The following PPP2R1A variants were observed in gnomAD, a reference collection of about 807,000 sequenced individuals.
The protein encoded by PPP2R1A is protein phosphatase 2 scaffold subunit Aalpha.
PPP2R1A carries 15 observed loss-of-function variants against 67.1 expected under a neutral mutation model. The ratio of observed to expected loss-of-function variants is 0.22; its 90% CI spans 0.15 to 0.34. PPP2R1A has a LOEUF of 0.34. Ranked by LOEUF, PPP2R1A falls within the 10% of genes least tolerant of loss-of-function variation. The pLI, the probability that PPP2R1A is intolerant of heterozygous loss-of-function variation, is 1.00. For missense variants in PPP2R1A, 369 were observed against 775.0 expected (o/e 0.48, Z 6.22); for synonymous variants, 337 against 325.0 (o/e 1.04, Z -0.40).
At chr19:52,222,302 G>C in intron 13 of PPP2R1A, 61 bp downstream of exon 13, 1 of 1,560,520 alleles carries the variant, frequency 6.4e-7, no homozygotes, top group Non-Finnish European at 8.7e-7. Context: ...CTTAATCTTT[G>C]ACCTTTGAAG....
intron 3 of PPP2R1A, among the ~76,000 whole-genome samples, chr19:52,210,498 T>C (rs1221780525): frequency 6.7e-6 from 1 of 149,550 alleles, no homozygotes; most frequent in East Asian, 1.9e-4. Flanking sequence ...TTTTTTTTTT[T>C]TTTTTTCTTT....
At chr19:52,196,186 G>A (rs2089494899) in intron 1 of PPP2R1A, among the ~76,000 whole-genome samples, 1 of 132,472 alleles carries the variant, frequency 7.5e-6, no homozygotes, top group Non-Finnish European at 1.7e-5. Context: ...GAGATAGTCA[G>A]TGCACAGGGA....
rs1397832750 is a variant in PPP2R1A, at chr19:52,212,911, G to A, written c.652-44G>A. 4.5e-6 allele frequency: 7 copies of A among 1,568,156 alleles called. 1 individual carries two copies. In the South Asian group the frequency reaches 4.8e-5, roughly 11 times the overall value. ...CCATGAAAGAGAATCCCAGAGCTCA[G>A]CAAGGCCTCTGCTGCCCTCCCACTG... is the stretch of plus-strand genomic sequence containing the variant. On this transcript the variant is annotated intron_variant, in intron 5 of 14. Transcript: ENST00000322088. This position sits in a 1 kb window ranked among gnomAD's most constrained non-coding sequence, Gnocchi z 4.1.
rs2089678009 is a variant in PPP2R1A, at chr19:52,212,382, G to A, written c.504-304G>A. The A allele has an allele frequency of 8.0e-6, 3 of 376,546 alleles. No individual in the cohort carries two copies. Among genetic ancestry groups the A allele is most frequent in the Admixed American group, 9.1e-5 (2 of 22,058 alleles). 23.3% of individuals were successfully genotyped at this position (376,546 alleles called of 1,614,324 possible). A position where few individuals can be genotyped will look rare whatever the true frequency, so the allele number is the denominator to read the frequency against. On this transcript the variant is annotated intron_variant, in intron 4 of 14. Transcript: ENST00000322088. This position sits in a 1 kb window ranked among gnomAD's most constrained non-coding sequence, Gnocchi z 4.1. ...TTACAGGTATGAGCCACTGTGCCTG[G>A]CTCGTTGGTTAAGCAATTTTTATGG...
At chr19:52,190,243 A>T in intron 1 of PPP2R1A, 69 bp downstream of exon 1, 9 of 1,505,412 alleles carry the variant, frequency 6.0e-6, no homozygotes, top group Non-Finnish European at 8.1e-6. Flanking sequence ...GCCCTCGCGG[A>T]GAAGACTCAG....
chr19:52,202,883 C>T lies in PPP2R1A; in HGVS notation c.169+849C>T, dbSNP rs577874526. Among the ~76,000 whole-genome samples, 9 of 152,306 alleles carry T rather than the reference C, an allele frequency of 5.9e-5. No individual in the cohort carries two copies. The South Asian group carries it at 1.2e-3, about 21-fold the overall frequency. On this transcript the variant is annotated intron_variant, in intron 2 of 14. Coordinates refer to ENST00000322088, the MANE Select transcript of PPP2R1A (RefSeq NM_014225.6). ...GCTTATAACACTGTATAGTACGTGC[C>T]GCCTAAGCGATAGCTGCCAGGCTGT...
At chr19:52,223,579 A>C (rs1979073619) in intron 13 of PPP2R1A, among the ~76,000 whole-genome samples, 1 of 152,228 alleles carries the variant, frequency 6.6e-6, no homozygotes, top group African/African-American at 2.4e-5. Flanking sequence ...TTGAAAAAGG[A>C]TCTCCAAATA....
At position 52,222,239 on chromosome 19, in the gene PPP2R1A, CAGG is replaced by C; in HGVS notation, c.1660_1661+1del. On this transcript the variant is annotated splice_donor_variant and coding_sequence_variant, in exon 13 of 15. Coordinates refer to ENST00000322088, the MANE Select transcript of PPP2R1A (RefSeq NM_014225.6). LOFTEE classifies it high-confidence loss of function. The stretch of plus-strand genomic sequence containing the variant: ...AGAAGATAGGGCCCATCCTGGACAA[CAGG>C]TGAGGTCTGGATACTCCCCCACACA... 6.2e-7 allele frequency: 1 copy of C among 1,613,840 alleles called. No homozygotes were observed. The highest frequency in any genetic ancestry group is 8.5e-7 in the Non-Finnish European group (1 of 1,179,852).
chr19:52,219,913 C>A lies in PPP2R1A; in HGVS notation c.1302+49C>A. ...AGGCAGTGCTGCCTCAGGGGAGGTG[C>A]AGTATGTCCAGGGCTGTGATGGGGA... On this transcript the variant is annotated intron_variant, in intron 10 of 14. Coordinates refer to ENST00000322088, the MANE Select transcript of PPP2R1A (RefSeq NM_014225.6). This position sits in a 1 kb window ranked among gnomAD's most constrained non-coding sequence, Gnocchi z 4.0. The A allele has an allele frequency of 6.4e-7, 1 of 1,568,286 alleles. No individual in the cohort carries two copies. The highest frequency in any genetic ancestry group is 8.6e-7 in the Non-Finnish European group (1 of 1,157,820).
At position 52,211,731 on chromosome 19, in the gene PPP2R1A, C is replaced by T; in HGVS notation, c.503+239C>T. ...AGGAATTGAGATGATGACAGGTCCT[C>T]CTTCCCACTGGTTAATGTGAGGATT... On this transcript the variant is annotated intron_variant, in intron 4 of 14. Transcript: ENST00000322088. This position sits in a 1 kb window ranked among gnomAD's most constrained non-coding sequence, Gnocchi z 5.3. The T allele has an allele frequency of 1.8e-6, 1 of 562,382 alleles. No homozygotes were observed. The highest frequency in any genetic ancestry group is 3.1e-6 in the Non-Finnish European group (1 of 318,050). 34.8% of individuals were successfully genotyped at this position (562,382 alleles called of 1,614,324 possible). A position where few individuals can be genotyped will look rare whatever the true frequency, so the allele number is the denominator to read the frequency against.
chr19:52,213,041 C>T lies in PPP2R1A; in HGVS notation c.738C>T (p.Pro246=). The change falls in exon 6 of 15, where the codon CCC becomes CCT. Residue 246 remains proline, a synonymous_variant. Transcript: ENST00000322088. The surrounding 1 kb of genome is among the most constrained non-coding windows in gnomAD (Gnocchi z 4.2). Reference sequence around the variant, plus strand: ...AGGATCTGGAGGCCCTGGTGATGCCCACTCTGCGCCAGGCCGCTGAAGACA... The same window carrying T: ...AGGATCTGGAGGCCCTGGTGATGCCTACTCTGCGCCAGGCCGCTGAAGACA... ...PQEDLEALVM[P]TLRQAAEDKS... is the part of the protein sequence containing the mutation. The T allele has an allele frequency of 6.2e-7, 1 of 1,611,356 alleles. No homozygotes were observed. The highest frequency in any genetic ancestry group is 8.5e-7 in the Non-Finnish European group (1 of 1,179,428).
chr19:52,218,201 A>G (rs116164362), intron 9 of PPP2R1A, among the ~76,000 whole-genome samples: 1,827 of 152,282 alleles, frequency 0.012, 35 homozygotes, highest in African/African-American at 0.042. Context: ...GAGGCTTCCC[A>G]AAAGCCTCAG....
At chr19:52,222,351 T>A (rs1406885243) in intron 13 of PPP2R1A, 110 bp downstream of exon 13, 1 of 1,434,460 alleles carries the variant, frequency 7.0e-7, no homozygotes, top group Admixed American at 2.8e-5. Context: ...CGCTCCTTGC[T>A]TGCTGTGTGA....
chr19:52,210,097 T>A (rs2089650006), intron 3 of PPP2R1A, among the ~76,000 whole-genome samples: 1 of 152,172 alleles, frequency 6.6e-6, no homozygotes, highest in Non-Finnish European at 1.5e-5. Flanking sequence ...TTTATGATTT[T>A]TTTTTTCCTG....
rs1010841552 is a variant in PPP2R1A at position 52,207,665 on chromosome 19, G to C, written c.270+1602G>C. On this transcript the variant is annotated intron_variant, in intron 3 of 14. Transcript: ENST00000322088. ...AATAGCTTGTGCTTGCTCGTTGCCT[G>C]CAGTGCACATCCCAAGAGCCTTACA... 1.3e-5 allele frequency among the ~76,000 whole-genome samples: 2 copies of C among 152,216 alleles called. 1 individual carries two copies. Among genetic ancestry groups the C allele is most frequent in the Non-Finnish European group, 2.9e-5 (2 of 68,048 alleles).
intron 12 of PPP2R1A, 150 bp downstream of exon 12, chr19:52,221,283 C>A: frequency 1.6e-6 from 2 of 1,220,550 alleles, no homozygotes; most frequent in Non-Finnish European, 2.3e-6. Context: ...CCTTGGGGAA[C>A]TGCAGGCAAG....
rs117174133 is a variant in PPP2R1A, at chr19:52,218,690, A to G, written c.1129-1001A>G. Among the ~76,000 whole-genome samples the G allele has an allele frequency of 5.0e-3, 762 of 152,288 alleles. 1 individual carries two copies. Among genetic ancestry groups the G allele is most frequent in the Non-Finnish European group, 8.9e-3 (604 of 68,028 alleles). ...GTGAGAGCCCCTCAAGTTGTCTGCTATGTCATTTCACACCTCTCCAGCGTT... is the reference window on the plus strand; with the variant it reads ...GTGAGAGCCCCTCAAGTTGTCTGCTGTGTCATTTCACACCTCTCCAGCGTT... On this transcript the variant is annotated intron_variant, in intron 9 of 14. Coordinates refer to ENST00000322088, the MANE Select transcript of PPP2R1A (RefSeq NM_014225.6).
chr19:52,212,535 T>C lies in PPP2R1A; in HGVS notation c.504-151T>C. ...TGGGGTAGGTACTGTTACTATCAGC[T>C]CCGTTTCATAGGGCTGGGAAGACAG... On this transcript the variant is annotated intron_variant, in intron 4 of 14. Transcript: ENST00000322088. The surrounding 1 kb of genome is among the most constrained non-coding windows in gnomAD (Gnocchi z 4.1). 1 of 894,134 alleles carries C rather than the reference T, an allele frequency of 1.1e-6. No homozygotes were observed. The highest frequency in any genetic ancestry group is 2.7e-5 in the East Asian group (1 of 37,348). 55.4% of individuals were successfully genotyped at this position (894,134 alleles called of 1,614,324 possible). A position where few individuals can be genotyped will look rare whatever the true frequency, so the allele number is the denominator to read the frequency against.
Position 52,216,123 on chromosome 19 carries a change from A to G in PPP2R1A, c.993+49A>G. 1 of 1,568,366 alleles carries G rather than the reference A, an allele frequency of 6.4e-7. No individual in the cohort carries two copies. The highest frequency in any genetic ancestry group is 8.8e-7 in the Non-Finnish European group (1 of 1,138,762). ...AACCAAGTGGATCCGAGCCTGCCAAAAAGAGGGGCTGGAGACAAGGCTTTG... is the reference window on the plus strand; with the variant it reads ...AACCAAGTGGATCCGAGCCTGCCAAGAAGAGGGGCTGGAGACAAGGCTTTG... On this transcript the variant is annotated intron_variant, in intron 8 of 14. Transcript: ENST00000322088. The surrounding 1 kb of genome is among the most constrained non-coding windows in gnomAD (Gnocchi z 4.3).
Sources: gnomAD v4.1 joint callset for allele counts (sites outside exome capture counted in the v4.1 genomes callset) on GRCh38, gnomAD v4.1.1 for gene constraint, Gnocchi (gnomAD v3.1) non-coding constraint, MANE v1.5 for transcripts, NCBI Gene and HGNC (gene_info 2026-07-23, HGNC 2026-07-21) for gene names.